Variants in ARR3 observed in about 807,000 individuals in gnomAD.
ARR3 encodes the protein arrestin 3.
Under a neutral mutation model 35.4 loss-of-function variants are expected in ARR3, and 14 were observed. The observed-to-expected ratio is 0.40, with a 90% CI of 0.26 to 0.62. The LOEUF is 0.62. ARR3 is among the 20% of genes least tolerant of loss of function. The probability of loss-of-function intolerance (pLI) is 0.46; values close to 1 mark genes in which losing one functional copy is unlikely to be tolerated. For missense variants in ARR3, 259 were observed against 303.8 expected, an observed-to-expected ratio of 0.85 and a Z score of 1.10; for synonymous variants, 97 against 119.1, an observed-to-expected ratio of 0.81 and a Z score of 1.21.
rs1277021703 is a variant in ARR3, at chrX:70,280,552, C to T, written c.990-7C>T. ...GCTGCTAATTTTGGGTGTCATTCTA[C>T]CCACAGCATCCTAGGAGACCTGACA... On this transcript the variant is annotated splice_polypyrimidine_tract_variant and splice_region_variant and intron_variant, in intron 13 of 16. Transcript: ENST00000307959. The T allele has an allele frequency of 4.0e-5, 48 of 1,194,056 alleles. No individual in the cohort carries two copies. Among genetic ancestry groups the T allele is most frequent in the Non-Finnish European group, 5.2e-5 (46 of 888,409 alleles).
chrX:70,278,501 T>C lies in ARR3; in HGVS notation c.768-3T>C. On this transcript the variant is annotated splice_region_variant and splice_polypyrimidine_tract_variant and intron_variant, in intron 11 of 16. Coordinates refer to ENST00000307959, the MANE Select transcript of ARR3 (RefSeq NM_004312.3). The stretch of plus-strand genomic sequence containing the variant: ...AAATTCTTCTCTTGTTCTTCTTTTG[T>C]AGGGAGACTGTAGCTGCTAATTCCA... 1 of 1,208,107 alleles carries C rather than the reference T, an allele frequency of 8.3e-7. No individual in the cohort carries two copies. The highest frequency in any genetic ancestry group is 1.1e-6 in the Non-Finnish European group (1 of 893,725).
intron 5 of ARR3, 81 bp from the exon 6 acceptor site, chrX:70,276,001 T>C: frequency 9.5e-7 from 1 of 1,052,842 alleles, no homozygotes; most frequent in Non-Finnish European, 1.3e-6. Context: ...TTACATCACC[T>C]CTCTGTGTCT....
chrX:70,269,464 G>A lies in ARR3; in HGVS notation c.8+71G>A. 4 of 1,068,385 alleles carry A rather than the reference G, an allele frequency of 3.7e-6. No homozygotes were observed. In the South Asian group the frequency reaches 8.2e-5, roughly 22 times the overall value. 88.0% of individuals were successfully genotyped at this position (1,068,385 alleles called of 1,213,427 possible). A position where few individuals can be genotyped will look rare whatever the true frequency, so the allele number is the denominator to read the frequency against. ...CCCAATCCAAGTATTTCCCTTTGGG[G>A]TAGGGGGATTTCCAATTTCTCCCTA... On this transcript the variant is annotated intron_variant, in intron 2 of 16. Transcript: ENST00000307959.
At chrX:70,276,023 T>C (rs1191473596) in intron 5 of ARR3, 59 bp from the exon 6 acceptor site, 1 of 1,145,951 alleles carries the variant, frequency 8.7e-7, no homozygotes, top group East Asian at 3.0e-5. Flanking sequence ...CTTGACCCAG[T>C]TAAGATTCCC....
At chrX:70,270,167 C>G in intron 5 of ARR3, 23 bp downstream of exon 5, 1 of 1,202,096 alleles carries the variant, frequency 8.3e-7, no homozygotes, top group Admixed American at 2.2e-5. Flanking sequence ...CCTTGTTGGT[C>G]TTTGTATGTT....
chrX:70,280,681 C>T, intron 14 of ARR3, 85 bp from the exon 15 acceptor site: 1 of 1,199,473 alleles, frequency 8.3e-7, no homozygotes, highest in Non-Finnish European at 1.1e-6. Flanking sequence ...TGAGGGCATC[C>T]AAAGACTGGA....
At chrX:70,277,879 T>TA in intron 10 of ARR3, 79 bp downstream of exon 10, 1 of 963,325 alleles carries the variant, frequency 1.0e-6, no homozygotes, top group East Asian at 3.3e-5. Context: ...CACTTACCTG[T>TA]CTGCATTCAT....
In ARR3 at chrX:70,278,083, G is replaced by A. The variant is rs2085661693; in HGVS notation, c.712G>A (p.Val238Ile). 8.3e-7 allele frequency: 1 copy of A among 1,210,308 alleles called. No individual in the cohort carries two copies. The highest frequency in any genetic ancestry group is 3.0e-5 in the East Asian group (1 of 33,825). Residue 238 changes from valine (V) to isoleucine (I), a missense_variant, in exon 11 of 17, where the codon GTT (valine) becomes ATT (isoleucine). Val to Ile is a conservative substitution (Grantham distance 29). Coordinates refer to ENST00000307959, the MANE Select transcript of ARR3 (RefSeq NM_004312.3). Reference protein sequence around the residue: ...IKISVDQITDVVLYSLDKYTK... With the variant: ...IKISVDQITDIVLYSLDKYTK... ...TTGTTCAGTTGACCAGATCACAGAT[G>A]TTGTCCTGTATTCACTAGACAAGTA... is the stretch of plus-strand genomic sequence containing the variant.
At chrX:70,281,146 T>G in intron 16 of ARR3, 38 bp downstream of exon 16, 1 of 1,203,744 alleles carries the variant, frequency 8.3e-7, no homozygotes, top group Non-Finnish European at 1.1e-6. Context: ...CATTCCCCTC[T>G]TCCCATTTCC....
At chrX:70,275,078 A>G (rs933197691) in intron 5 of ARR3, among the ~76,000 whole-genome samples, 1 of 112,511 alleles carries the variant, frequency 8.9e-6, no homozygotes, top group Non-Finnish European at 1.9e-5. Flanking sequence ...TGCGACGGCC[A>G]TTATCATATG....
chrX:70,269,420 C>A (rs1602718553), intron 2 of ARR3, 27 bp downstream of exon 2: 1 of 1,161,110 alleles, frequency 8.6e-7, no homozygotes, highest in Non-Finnish European at 1.2e-6. Flanking sequence ...ATCCTCTGAA[C>A]CTGTGAATTG....
intron 11 of ARR3, 120 bp downstream of exon 11, chrX:70,278,258 T>A (rs1264067127): frequency 6.3e-5 from 46 of 725,176 alleles, no homozygotes; most frequent in Non-Finnish European, 8.8e-5. Context: ...CAGGGAGGGA[T>A]TCCCAGGAGA....
intron 16 of ARR3, 94 bp downstream of exon 16, chrX:70,281,202 G>A: frequency 9.2e-7 from 1 of 1,089,822 alleles, no homozygotes; most frequent in East Asian, 3.1e-5. Context: ...CTTCCTTGGG[G>A]TGCTTTCAAT....
At position 70,281,382 on chromosome X, in the gene ARR3, C is replaced by A. The variant is rs181396378; in HGVS notation, c.1076+274C>A. On this transcript the variant is annotated intron_variant, in intron 16 of 16. Coordinates refer to ENST00000307959, the MANE Select transcript of ARR3 (RefSeq NM_004312.3). ...TCTTTTTCCTTTTCCCCCACCCGCT[C>A]GCCCTTACTTCTTTCGTCTTTCATT... 5,651 of 440,184 alleles carry A rather than the reference C, an allele frequency of 0.013. 24 individuals carry two copies. Among genetic ancestry groups the A allele is most frequent in the Non-Finnish European group, 0.018 (4,597 of 255,964 alleles). The allele number at this position is 440,184 out of a possible 1,213,427, so 36.3% of individuals were successfully genotyped here. A position where few individuals can be genotyped will look rare whatever the true frequency, so the allele number is the denominator to read the frequency against.
intron 16 of ARR3, chrX:70,281,370 C>T (rs1297625861): frequency 2.3e-6 from 1 of 441,302 alleles, no homozygotes; most frequent in African/African-American, 2.5e-5. Context: ...TTTTCCTTTT[C>T]CCCCACCCGC....
rs987337932 is a variant in ARR3 at position 70,277,766 on chromosome X, C to T, written c.660C>T (p.Cys220=). 1.1e-5 allele frequency: 13 copies of T among 1,208,704 alleles called. No individual in the cohort carries two copies. The African/African-American group carries it at 1.8e-4, about 16-fold the overall frequency. The part of the protein sequence containing the change: ...PISVNVSINN[C]TNKVIKKIKI... Reference sequence around the variant, plus strand: ...CTGTCAATGTTTCTATCAACAACTGCACCAACAAGGTCATCAAAAAAATCA... The same window carrying T: ...CTGTCAATGTTTCTATCAACAACTGTACCAACAAGGTCATCAAAAAAATCA... The change falls in exon 10 of 17, where the codon TGC becomes TGT. Residue 220 remains cysteine (C), a synonymous_variant. Coordinates refer to ENST00000307959, the MANE Select transcript of ARR3 (RefSeq NM_004312.3).
chrX:70,268,873 A>G (rs1017126937), intron 1 of ARR3, among the ~76,000 whole-genome samples: 5 of 107,636 alleles, frequency 4.6e-5, no homozygotes, highest in African/African-American at 1.9e-4. Context: ...GAATCCATTG[A>G]TTTGTCCATT....
rs2085663603 is a variant in ARR3 at position 70,278,436 on chromosome X, T to C, written c.768-68T>C. The C allele has an allele frequency of 4.4e-6, 5 of 1,136,710 alleles. No homozygotes were observed. In the Admixed American group the frequency reaches 1.2e-4, roughly 27 times the overall value. The allele number at this position is 1,136,710 out of a possible 1,213,427, so 93.7% of individuals were successfully genotyped here. A position where few individuals can be genotyped will look rare whatever the true frequency, so the allele number is the denominator to read the frequency against. ...TCTTGTATAATCTTGTACAAGATAC[T>C]CTTGGGAGTAAAAGTATGCTTAGTC... On this transcript the variant is annotated intron_variant, in intron 11 of 16. Coordinates refer to ENST00000307959, the MANE Select transcript of ARR3 (RefSeq NM_004312.3).
Position 70,269,195 on chromosome X carries a change from A to G in ARR3, c.-30-161A>G. 1.1e-5 allele frequency: 2 copies of G among 185,945 alleles called. 1 individual carries two copies. The highest frequency in any genetic ancestry group is 5.0e-4 in the South Asian group (2 of 3,985). 15.3% of individuals were successfully genotyped at this position (185,945 alleles called of 1,213,427 possible). A position where few individuals can be genotyped will look rare whatever the true frequency, so the allele number is the denominator to read the frequency against. ...TGGGCAAGAATATGGCTGAAGAAGT[A>G]CCCTTGGCAGAAGGGAGAATAGGAG... On this transcript the variant is annotated intron_variant, in intron 1 of 16. Transcript: ENST00000307959.
Sources: allele counts gnomAD v4.1 joint callset (sites outside exome capture counted in the v4.1 genomes callset), GRCh38; gene constraint gnomAD v4.1.1; transcripts MANE v1.5; gene names NCBI Gene and HGNC (gene_info 2026-07-23, HGNC 2026-07-21).